The following CEP83 variants were observed in gnomAD, a reference collection of about 807,000 sequenced individuals.
CEP83 encodes the protein centrosomal protein 83.
In CEP83, 70 loss-of-function variants were observed where a neutral mutation model predicts 101.9. The ratio of observed to expected loss-of-function variants is 0.69; its 90% CI spans 0.57 to 0.84. The LOEUF (loss-of-function observed/expected upper bound fraction) is 0.84. Ranked by LOEUF, CEP83 falls within the 40% of genes least tolerant of loss-of-function variation. The probability of loss-of-function intolerance (pLI) is 0.00; values close to 1 mark genes in which losing one functional copy is unlikely to be tolerated. For synonymous variants in CEP83, 264 were observed against 267.9 expected, an observed-to-expected ratio of 0.99 and a Z score of 0.14; for missense variants, 715 against 787.2, an observed-to-expected ratio of 0.91 and a Z score of 1.10.
chr12:94,296,017 C>T, the CEP83 span, among the ~76,000 whole-genome samples: 1 of 152,174 alleles, frequency 6.6e-6, no homozygotes, highest in Non-Finnish European at 1.5e-5. Flanking sequence ...CATTCAAGGC[C>T]AGTCTCTCAC....
chr12:94,400,760 G>T, intron 6 of CEP83, 90 bp downstream of exon 6: 2 of 684,960 alleles, frequency 2.9e-6, no homozygotes, highest in Non-Finnish European at 4.0e-6. Context: ...CTATACAATC[G>T]ACTCTAATTT....
chr12:94,343,189 G>A (rs1329722910), intron 11 of CEP83, among the ~76,000 whole-genome samples: 2 of 151,610 alleles, frequency 1.3e-5, no homozygotes, highest in Non-Finnish European at 2.9e-5. Context: ...CACAATAACT[G>A]ACATATACTA....
At chr12:94,309,448 A>G (rs1299811710) in intron 16 of CEP83, among the ~76,000 whole-genome samples, 1 of 152,168 alleles carries the variant, frequency 6.6e-6, no homozygotes, top group Non-Finnish European at 1.5e-5. Context: ...GTCACTTATT[A>G]GCTATGACCT....
At chr12:94,273,020 A>G in the CEP83 span, among the ~76,000 whole-genome samples, 1 of 152,092 alleles carries the variant, frequency 6.6e-6, no homozygotes, top group Admixed American at 6.5e-5. Flanking sequence ...CGTCCTAGTT[A>G]TGACTCCCAC....
intron 11 of CEP83, among the ~76,000 whole-genome samples, chr12:94,338,161 T>C (rs899539064): frequency 6.6e-6 from 1 of 152,042 alleles, no homozygotes; most frequent in East Asian, 1.9e-4. Context: ...TAAAGTAGAA[T>C]AAAGATAAAA....
chr12:94,411,021 T>C (rs982941059), intron 4 of CEP83, among the ~76,000 whole-genome samples: 2 of 152,254 alleles, frequency 1.3e-5, no homozygotes, highest in East Asian at 1.9e-4. Flanking sequence ...ACCAATCAGA[T>C]TGTTAGGCAG....
chr12:94,313,510 A>T (rs565467699), intron 14 of CEP83, among the ~76,000 whole-genome samples: 2 of 147,718 alleles, frequency 1.4e-5, no homozygotes, highest in African/African-American at 5.0e-5. Context: ...ACCCTGGACA[A>T]CAGATCAAGA....
rs1008112527 is a variant in CEP83, at chr12:94,312,774, G to T, written c.1811+140C>A. ...TCAGTTAGGGGGTAAAAAAAGGATA[G>T]TACATTAGGAGTTATCAAGCTGTTT... On this transcript the variant is annotated intron_variant, in intron 15 of 16. Transcript: ENST00000397809. The T allele has an allele frequency of 3.2e-6, 4 of 1,266,462 alleles. No homozygotes were observed. In the African/African-American group the frequency reaches 6.2e-5, roughly 20 times the overall value. The allele number at this position is 1,266,462 out of a possible 1,614,324, so 78.5% of individuals were successfully genotyped here.
chr12:94,292,034 T>C, the CEP83 span, among the ~76,000 whole-genome samples: 2 of 152,250 alleles, frequency 1.3e-5, no homozygotes, highest in East Asian at 3.8e-4. Context: ...AGTTCATCCA[T>C]GCTGTAGCAT....
the CEP83 span, among the ~76,000 whole-genome samples, chr12:94,299,593 CTT>C: frequency 2.0e-5 from 3 of 152,070 alleles, no homozygotes; most frequent in African/African-American, 7.2e-5. Flanking sequence ...GGGTCTCACT[CTT>C]GTTGCCCAGG....
At chr12:94,312,598 T>G in intron 15 of CEP83, 1 of 985,410 alleles carries the variant, frequency 1.0e-6, no homozygotes, top group Non-Finnish European at 1.2e-6. Flanking sequence ...TAGGCACAAT[T>G]TTCAGAACTA....
chr12:94,316,612 T>C (rs1025264048), intron 14 of CEP83, among the ~76,000 whole-genome samples: 2 of 150,186 alleles, frequency 1.3e-5, no homozygotes, highest in Non-Finnish European at 3.0e-5. Flanking sequence ...TATCTGTTGC[T>C]CCCCTTTGTG....
intron 11 of CEP83, among the ~76,000 whole-genome samples, chr12:94,365,030 C>T (rs1418875853): frequency 1.3e-5 from 2 of 151,942 alleles, no homozygotes; most frequent in East Asian, 1.9e-4. Context: ...AAAATTTTTG[C>T]ATGGCAAAAA....
chr12:94,311,391 T>C (rs903669903), intron 15 of CEP83, among the ~76,000 whole-genome samples: 2 of 152,340 alleles, frequency 1.3e-5, no homozygotes, highest in East Asian at 1.9e-4. Context: ...GAGCAGGTCA[T>C]GGGAACCCCA....
intron 1 of CEP83, among the ~76,000 whole-genome samples, chr12:94,450,196 G>A (rs2067144680): frequency 6.6e-6 from 1 of 152,168 alleles, no homozygotes; most frequent in African/African-American, 2.4e-5. Flanking sequence ...ATTGAGATTG[G>A]AAAGAAAAAG....
chr12:94,331,731 T>C lies in CEP83; in HGVS notation c.1676A>G (p.Lys559Arg). 1.2e-6 allele frequency: 2 copies of C among 1,614,136 alleles called. No homozygotes were observed. The highest frequency in any genetic ancestry group is 1.7e-6 in the Non-Finnish European group (2 of 1,180,006). The change falls in exon 14 of 17, where the codon AAA (lysine) becomes AGA (arginine). Residue 559 changes from lysine to arginine, a missense_variant. Coordinates refer to ENST00000397809, the MANE Select transcript of CEP83 (RefSeq NM_016122.3). ...REEKYNQAKE[K>R]LQRAAIAQKK... ...CTGGGCAATTGCAGCTCGCTGCAGT[T>C]TCTCCTTAGCTTGATTGTACTTTTC...
At chr12:94,411,137 TCTGG>T (rs2063853439) in intron 4 of CEP83, among the ~76,000 whole-genome samples, 1 of 152,202 alleles carries the variant, frequency 6.6e-6, no homozygotes, top group African/African-American at 2.4e-5. Context: ...GAGTTTAAAG[TCTGG>T]CTTTGCTCAA....
intron 14 of CEP83, among the ~76,000 whole-genome samples, chr12:94,323,437 C>T (rs1359367725): frequency 6.6e-6 from 1 of 152,116 alleles, no homozygotes; most frequent in Non-Finnish European, 1.5e-5. Context: ...CACTCACTCA[C>T]TCACCACTTC....
At chr12:94,443,229 A>C (rs927194482) in intron 1 of CEP83, among the ~76,000 whole-genome samples, 24 of 152,098 alleles carry the variant, frequency 1.6e-4, no homozygotes, top group Non-Finnish European at 2.6e-4. Flanking sequence ...TGCTAGAGTC[A>C]ATTAAGTTTA....
Sources: allele counts gnomAD v4.1 joint callset (sites outside exome capture counted in the v4.1 genomes callset), GRCh38; gene constraint gnomAD v4.1.1; transcripts MANE v1.5; gene names NCBI Gene and HGNC (gene_info 2026-07-23, HGNC 2026-07-21).